STAM: variants seen among roughly 807,000 people sequenced by gnomAD.
The protein encoded by STAM is signal transducing adapter molecule 1.
Under a neutral mutation model 63.4 loss-of-function variants are expected in STAM, and 16 were observed. That is an observed-to-expected ratio of 0.25 (90% CI 0.17 to 0.38). The LOEUF is 0.38. Ranked by LOEUF, STAM falls within the 10% of genes least tolerant of loss-of-function variation. The pLI is 1.00. For missense variants in STAM, 636 were observed against 657.1 expected, an observed-to-expected ratio of 0.97 and a Z score of 0.35; for synonymous variants, 238 against 223.9, an observed-to-expected ratio of 1.06 and a Z score of -0.56.
In STAM at chr10:17,714,834, A is replaced by G; in HGVS notation, c.*54A>G. On this transcript the variant is annotated 3_prime_UTR_variant, in exon 14 of 14. Coordinates refer to ENST00000377524, the MANE Select transcript of STAM (RefSeq NM_003473.4). ...CCTGCTAAATGCCACTGACAATGTT[A>G]TGAGATTCATTACTATCTTAAGATG... 6.8e-7 allele frequency: 1 copy of G among 1,464,320 alleles called. No individual in the cohort carries two copies. Among genetic ancestry groups the G allele is most frequent in the Non-Finnish European group, 9.6e-7 (1 of 1,043,982 alleles). The allele number at this position is 1,464,320 out of a possible 1,614,324, so 90.7% of individuals were successfully genotyped here.
chr10:17,705,225 A>G (rs781916958), intron 11 of STAM, among the ~76,000 whole-genome samples: 7 of 152,184 alleles, frequency 4.6e-5, no homozygotes, highest in Non-Finnish European at 7.3e-5. Flanking sequence ...CCTTTGCAAT[A>G]TAGTCAAAAG....
At chr10:17,669,218 T>C (rs1483464922) in intron 2 of STAM, among the ~76,000 whole-genome samples, 3 of 152,156 alleles carry the variant, frequency 2.0e-5, no homozygotes, top group African/African-American at 7.2e-5. Flanking sequence ...AAATATTTCT[T>C]TTATATATTA....
chr10:17,666,385 G>GTTTTTTTTTTTTTTTTTTT (rs1425682476), intron 2 of STAM, among the ~76,000 whole-genome samples: 4 of 102,298 alleles, frequency 3.9e-5, no homozygotes, highest in African/African-American at 1.5e-4. Flanking sequence ...CCTTGGCTTT[G>GTTTTTTTTTTTTTTTTTTT]TATTTTTTTT....
At chr10:17,680,461 C>T (rs970459764) in intron 2 of STAM, among the ~76,000 whole-genome samples, 3 of 149,462 alleles carry the variant, frequency 2.0e-5, no homozygotes, top group Non-Finnish European at 3.0e-5. Flanking sequence ...CTTACTCTGT[C>T]ACCCAGGCTG....
Position 17,705,661 on chromosome 10 carries a change from G to A in STAM, c.1129G>A (p.Glu377Lys). The A allele has an allele frequency of 3.1e-6, 5 of 1,613,922 alleles. No homozygotes were observed. Among genetic ancestry groups the A allele is most frequent in the South Asian group, 1.1e-5 (1 of 91,040 alleles). ...TTCCTTATATACCAAGTTAATGAAC[G>A]AAGATCCGATGTATTCCATGTATGC... The part of the protein sequence containing the change: ...ALSLYTKLMN[E>K]DPMYSMYAKL... Residue 377 changes from glutamate (E) to lysine (K), a missense_variant, in exon 12 of 14, where the codon GAA (glutamate) becomes AAA (lysine). This residue lies in a region of STAM where 532 missense variants were observed against 536.9 expected (regional missense o/e 0.99). Transcript: ENST00000377524.
intron 2 of STAM, among the ~76,000 whole-genome samples, chr10:17,669,889 T>TTC (rs2131601003): frequency 6.8e-6 from 1 of 147,624 alleles, no homozygotes; most frequent in East Asian, 2.0e-4. Context: ...CTTTTCTTTT[T>TTC]TTTTTTTTTT....
At chr10:17,661,996 G>A (rs1043531128) in intron 2 of STAM, among the ~76,000 whole-genome samples, 11 of 152,074 alleles carry the variant, frequency 7.2e-5, no homozygotes, top group Non-Finnish European at 8.8e-5. Context: ...TACATATCGC[G>A]TTCCCTTTTC....
intron 13 of STAM, among the ~76,000 whole-genome samples, chr10:17,710,907 A>G (rs1836524919): frequency 6.6e-6 from 1 of 152,236 alleles, no homozygotes. Context: ...TAAAGGTACA[A>G]TATGTAATAT....
At chr10:17,707,443 A>G (rs1836342130) in intron 12 of STAM, among the ~76,000 whole-genome samples, 1 of 151,794 alleles carries the variant, frequency 6.6e-6, no homozygotes. Context: ...ATAAATAAAA[A>G]CAAAACTAGC....
At chr10:17,703,008 C>CAAAAAAAAAAAAAAAAAAAAAA (rs71507229) in intron 9 of STAM, among the ~76,000 whole-genome samples, 1 of 67,856 alleles carries the variant, frequency 1.5e-5, no homozygotes, top group Non-Finnish European at 3.0e-5. Flanking sequence ...GACTCCATCT[C>CAAAAAAAAAAAAAAAAAAAAAA]AAAAAAAAAA....
Position 17,708,915 on chromosome 10 carries a change from C to T in STAM, c.1349C>T (p.Ala450Val). The change falls in exon 13 of 14, where the codon GCC (alanine) becomes GTC (valine). Residue 450 changes from alanine (A) to valine (V), a missense_variant. By Grantham distance (64) the Ala-to-Val change is moderately conservative. This residue lies in a region of STAM where 532 missense variants were observed against 536.9 expected (regional missense o/e 0.99). Coordinates refer to ENST00000377524, the MANE Select transcript of STAM (RefSeq NM_003473.4). ...QAVVPPSANP[A>V]LPSQQTQAAY... ...GTGGTCCCACCATCCGCAAACCCAG[C>T]CCTTCCTAGTCAGCAGACTCAGGCC... The T allele has an allele frequency of 1.2e-6, 2 of 1,614,152 alleles. No individual in the cohort carries two copies. The highest frequency in any genetic ancestry group is 1.7e-6 in the Non-Finnish European group (2 of 1,180,014).
intron 1 of STAM, among the ~76,000 whole-genome samples, chr10:17,645,138 T>C (rs1184327542): frequency 6.6e-6 from 1 of 152,234 alleles, no homozygotes; most frequent in East Asian, 1.9e-4. Flanking sequence ...TATTTTATTT[T>C]ATTTTTTTCT....
intron 2 of STAM, among the ~76,000 whole-genome samples, chr10:17,680,035 T>G (rs1299727909): frequency 6.6e-6 from 1 of 152,152 alleles, no homozygotes; most frequent in Non-Finnish European, 1.5e-5. Flanking sequence ...AAAACTTGTG[T>G]TCATTGGCTT....
intron 1 of STAM, among the ~76,000 whole-genome samples, chr10:17,645,143 T>C (rs1263879396): frequency 6.6e-6 from 1 of 152,208 alleles, no homozygotes; most frequent in African/African-American, 2.4e-5. Flanking sequence ...TATTTTATTT[T>C]TTTCTGACTT....
chr10:17,703,125 A>G (rs4556434), intron 9 of STAM, among the ~76,000 whole-genome samples: 59,738 of 151,718 alleles, frequency 0.39, 12,444 homozygotes, highest in South Asian at 0.52. Context: ...TAAATATTGT[A>G]TAGTATTCTG....
Position 17,716,163 on chromosome 10 carries a change from AG to A in STAM, c.*1384del, listed in dbSNP as rs1379515055. Among the ~76,000 whole-genome samples, 8 of 152,138 alleles carry A rather than the reference AG, an allele frequency of 5.3e-5. No individual in the cohort carries two copies. The highest frequency in any genetic ancestry group is 1.9e-4 in the African/African-American group (8 of 41,440). ...TTTAGCACTATTTAAACAACGGAAAAGTTGAGTCGAACATCATATTTAATGA... is the reference window on the plus strand; with the variant it reads ...TTTAGCACTATTTAAACAACGGAAAATTGAGTCGAACATCATATTTAATGA... On this transcript the variant is annotated 3_prime_UTR_variant, in exon 14 of 14. Transcript: ENST00000377524.
At position 17,707,407 on chromosome 10, in the gene STAM, C is replaced by T. The variant is rs1042931352; in HGVS notation, c.1210-1369C>T. On this transcript the variant is annotated intron_variant, in intron 12 of 13. Transcript: ENST00000377524. ...CCTGGGCGACAGAGCAAGACTCCAC[C>T]TCAAAAAATAATAATAATAATAATA... 2.0e-5 allele frequency among the ~76,000 whole-genome samples: 3 copies of T among 151,792 alleles called. No homozygotes were observed. The South Asian group carries it at 6.2e-4, about 32-fold the overall frequency.
chr10:17,709,289 AT>A (rs1554829822), intron 13 of STAM, among the ~76,000 whole-genome samples: 1 of 152,126 alleles, frequency 6.6e-6, no homozygotes, highest in African/African-American at 2.4e-5. Context: ...ATAATTTGTC[AT>A]TTTTCCACAC....
intron 4 of STAM, 51 bp downstream of exon 4, chr10:17,684,978 A>G: frequency 4.1e-6 from 6 of 1,459,458 alleles, no homozygotes; most frequent in East Asian, 2.3e-5. Context: ...CTTTCTTCAC[A>G]TATTTTATTG....
Sources: allele counts gnomAD v4.1 joint callset (sites outside exome capture counted in the v4.1 genomes callset), GRCh38; gene constraint gnomAD v4.1.1; regional missense constraint gnomAD v4.1.1; transcripts MANE v1.5; gene names NCBI Gene and HGNC (gene_info 2026-07-23, HGNC 2026-07-21).